NMNAT2: variants seen among roughly 807,000 people sequenced by gnomAD.
NMNAT2 encodes the protein nicotinamide/nicotinic acid mononucleotide adenylyltransferase 2.
Under a neutral mutation model 41.6 loss-of-function variants are expected in NMNAT2, and 11 were observed. The ratio of observed to expected loss-of-function variants is 0.26; its 90% CI spans 0.17 to 0.44. The LOEUF (loss-of-function observed/expected upper bound fraction) is 0.44, where lower values mean the gene tolerates loss of function less well. NMNAT2 is among the 20% of genes least tolerant of loss of function. The pLI is 1.00. For synonymous variants in NMNAT2, 148 were observed against 151.2 expected (o/e 0.98, Z 0.16); for missense variants, 288 against 407.7 (o/e 0.71, Z 2.53).
intron 1 of NMNAT2, among the ~76,000 whole-genome samples, chr1:183,339,936 A>G (rs1226814267): frequency 6.6e-6 from 1 of 151,870 alleles, no homozygotes; most frequent in African/African-American, 2.4e-5. Context: ...GCTATCACTA[A>G]CAATCAAGAT....
intron 1 of NMNAT2, among the ~76,000 whole-genome samples, chr1:183,305,964 C>T (rs1557873260): frequency 6.6e-6 from 1 of 152,142 alleles, no homozygotes; most frequent in Non-Finnish European, 1.5e-5. Context: ...TCAGGTGGTC[C>T]ACCTGCTTCG....
chr1:183,280,975 G>A (rs544755332), intron 7 of NMNAT2, among the ~76,000 whole-genome samples: 62 of 151,786 alleles, frequency 4.1e-4, no homozygotes, highest in African/African-American at 1.4e-3. Flanking sequence ...AGTAGAGATG[G>A]GGTTTCTCCA....
At chr1:183,259,810 AG>A (rs1285356513) in intron 10 of NMNAT2, among the ~76,000 whole-genome samples, 3 of 152,160 alleles carry the variant, frequency 2.0e-5, no homozygotes, top group Admixed American at 6.6e-5. Context: ...CGTGTTAGCC[AG>A]GATGGTCTCG....
chr1:183,399,781 T>C (rs7527227), intron 1 of NMNAT2, among the ~76,000 whole-genome samples: 108,657 of 152,044 alleles, frequency 0.71, 38,980 homozygotes, highest in East Asian at 0.91. Flanking sequence ...TAAATGTAAT[T>C]CATCATATAA....
chr1:183,304,854 T>G, intron 1 of NMNAT2: 1 of 1,566,410 alleles, frequency 6.4e-7, no homozygotes, highest in Non-Finnish European at 8.6e-7. Context: ...CTCCACTACC[T>G]CCAGCTTGGG....
At chr1:183,263,692 C>T (rs1182264130) in intron 8 of NMNAT2, among the ~76,000 whole-genome samples, 1 of 152,164 alleles carries the variant, frequency 6.6e-6, no homozygotes, top group African/African-American at 2.4e-5. Flanking sequence ...CCTGTAGTCC[C>T]AGCTACTTGG....
chr1:183,312,155 T>C (rs75487326), intron 1 of NMNAT2, among the ~76,000 whole-genome samples: 2,142 of 152,224 alleles, frequency 0.014, 59 homozygotes, highest in African/African-American at 0.049. Flanking sequence ...TAATACACCA[T>C]GACAGATTTA....
At chr1:183,326,375 CAAAAAAAA>C (rs58330585) in intron 1 of NMNAT2, among the ~76,000 whole-genome samples, 4 of 69,152 alleles carry the variant, frequency 5.8e-5, no homozygotes, top group African/African-American at 2.4e-4. Flanking sequence ...GACTCCATCT[CAAAAAAAA>C]AAAAAAAAAA....
At chr1:183,416,478 A>G (rs758764706) in intron 1 of NMNAT2, among the ~76,000 whole-genome samples, 14 of 152,356 alleles carry the variant, frequency 9.2e-5, no homozygotes, top group Non-Finnish European at 1.6e-4. Flanking sequence ...AGACACCAGC[A>G]TCAAAGGAAA....
chr1:183,281,328 G>A (rs1173036926), intron 7 of NMNAT2, among the ~76,000 whole-genome samples: 2 of 152,106 alleles, frequency 1.3e-5, no homozygotes, highest in Non-Finnish European at 2.9e-5. Flanking sequence ...CATGCTACTG[G>A]CATCTAGTGG....
At chr1:183,290,330 G>T in intron 3 of NMNAT2, 124 bp from the exon 4 acceptor site, 2 of 698,288 alleles carry the variant, frequency 2.9e-6, no homozygotes, top group African/African-American at 1.8e-5. Context: ...CTTAGATCTT[G>T]AATCAGATAA....
chr1:183,373,279 G>T (rs1380464814), intron 1 of NMNAT2, among the ~76,000 whole-genome samples: 1 of 152,234 alleles, frequency 6.6e-6, no homozygotes, highest in Non-Finnish European at 1.5e-5. Context: ...TTAAAAGTCG[G>T]TATTCTCTAT....
intron 8 of NMNAT2, among the ~76,000 whole-genome samples, chr1:183,274,956 A>G (rs1661086700): frequency 6.6e-6 from 1 of 152,042 alleles, no homozygotes; most frequent in Admixed American, 6.5e-5. Context: ...GCAGCACACT[A>G]GGGGCAAAAC....
chr1:183,362,746 T>C (rs1043033625), intron 1 of NMNAT2, among the ~76,000 whole-genome samples: 2 of 152,238 alleles, frequency 1.3e-5, no homozygotes, highest in African/African-American at 4.8e-5. Flanking sequence ...AGTTTTAGTG[T>C]TTCAATTGTT....
intron 1 of NMNAT2, among the ~76,000 whole-genome samples, chr1:183,417,747 T>C (rs1243599671): frequency 1.3e-5 from 2 of 152,010 alleles, no homozygotes; most frequent in Non-Finnish European, 2.9e-5. Flanking sequence ...ATGATTTAAC[T>C]CCTTCGAGCT....
At position 183,378,703 on chromosome 1, in the gene NMNAT2, A is replaced by G. The variant is rs184508211; in HGVS notation, c.85+39480T>C. 5.7e-3 allele frequency among the ~76,000 whole-genome samples: 866 copies of G among 152,344 alleles called. 5 individuals are homozygous for G. Among genetic ancestry groups the G allele is most frequent in the South Asian group, 0.01 (49 of 4,832 alleles). On this transcript the variant is annotated intron_variant, in intron 1 of 10. Transcript: ENST00000287713. ...GAAGGTAGCAAGTTTTAATCCAATCATATCAATAATCATTTAAAATGTGAA... is the reference window on the plus strand; with the variant it reads ...GAAGGTAGCAAGTTTTAATCCAATCGTATCAATAATCATTTAAAATGTGAA...
intron 1 of NMNAT2, among the ~76,000 whole-genome samples, chr1:183,371,416 A>T (rs989939656): frequency 1.3e-5 from 2 of 152,198 alleles, no homozygotes; most frequent in Non-Finnish European, 2.9e-5. Context: ...AACATTGTCC[A>T]AAACCATAGG....
chr1:183,335,079 C>T (rs572821799), intron 1 of NMNAT2, among the ~76,000 whole-genome samples: 32 of 152,318 alleles, frequency 2.1e-4, no homozygotes, highest in Non-Finnish European at 3.8e-4. Flanking sequence ...TATAACCTAC[C>T]AGGTACCTTA....
At chr1:183,392,058 C>T (rs547394587) in intron 1 of NMNAT2, among the ~76,000 whole-genome samples, 3 of 152,282 alleles carry the variant, frequency 2.0e-5, no homozygotes, top group East Asian at 3.9e-4. Context: ...ATGCTGATGC[C>T]TCCTGACTTT....
Sources: gnomAD v4.1 joint callset for allele counts (sites outside exome capture counted in the v4.1 genomes callset) on GRCh38, gnomAD v4.1.1 for gene constraint, MANE v1.5 for transcripts, NCBI Gene and HGNC (gene_info 2026-07-23, HGNC 2026-07-21) for gene names.